Variants in RASSF3 observed in about 807,000 individuals in gnomAD.
RASSF3 encodes the protein ras association domain-containing protein 3.
Under a neutral mutation model 19.9 loss-of-function variants are expected in RASSF3, and 19 were observed. That is an observed-to-expected ratio of 0.96 (90% CI 0.67 to 1.40). The LOEUF is 1.40. RASSF3 is among the 40% of genes most tolerant of loss of function. The pLI, the probability that RASSF3 is intolerant of heterozygous loss-of-function variation, is 0.00. For missense variants in RASSF3, 306 were observed against 289.8 expected (o/e 1.06, Z -0.41); for synonymous variants, 110 against 104.2 (o/e 1.06, Z -0.34).
intron 2 of RASSF3, among the ~76,000 whole-genome samples, chr12:64,596,291 T>C (rs1037473327): frequency 1.3e-5 from 2 of 152,270 alleles, no homozygotes; most frequent in Non-Finnish European, 2.9e-5. Context: ...TTTTCTTCAG[T>C]TAATCTACCT....
At chr12:64,519,844 A>G (rs556002313) in intron 1 of RASSF3, among the ~76,000 whole-genome samples, 2 of 152,074 alleles carry the variant, frequency 1.3e-5, no homozygotes, top group African/African-American at 2.4e-5. Context: ...ATGTGTATGT[A>G]TTTATATATA....
chr12:64,572,593 A>G (rs914188679), intron 2 of RASSF3, among the ~76,000 whole-genome samples: 1 of 152,200 alleles, frequency 6.6e-6, no homozygotes, highest in African/African-American at 2.4e-5. Context: ...TCTGTTCTGC[A>G]CATCACTGAA....
chr12:64,541,826 G>T, downstream of RASSF3: 1 of 395,096 alleles, frequency 2.5e-6, no homozygotes, highest in Non-Finnish European at 4.5e-6. Flanking sequence ...TCGAGCTCAG[G>T]TTCATTCATT....
intron 1 of RASSF3, among the ~76,000 whole-genome samples, chr12:64,520,407 C>T (rs61933214): frequency 0.29 from 44,480 of 151,314 alleles, 7,234 homozygotes; most frequent in Middle Eastern, 0.4. Context: ...ATGATCCGCC[C>T]GCCTCGGCCT....
At chr12:64,565,873 A>G (rs1255570181) in intron 2 of RASSF3, among the ~76,000 whole-genome samples, 2 of 139,472 alleles carry the variant, frequency 1.4e-5, no homozygotes, top group East Asian at 2.1e-4. Flanking sequence ...ACCGAGCGAG[A>G]CTTCGTCTCA....
At chr12:64,640,020 C>A (rs1871459865) in intron 1 of RASSF3, among the ~76,000 whole-genome samples, 1 of 152,218 alleles carries the variant, frequency 6.6e-6, no homozygotes, top group Non-Finnish European at 1.5e-5. Flanking sequence ...AGGTAGATAA[C>A]TGACCTGTTT....
chr12:64,683,635 T>C (rs573986793), intron 1 of RASSF3, among the ~76,000 whole-genome samples: 1 of 152,198 alleles, frequency 6.6e-6, no homozygotes. Flanking sequence ...TTAATACTGA[T>C]TAACTGCTGT....
chr12:64,508,615 C>T (rs1046348985), intron 1 of RASSF3, among the ~76,000 whole-genome samples: 18 of 149,728 alleles, frequency 1.2e-4, no homozygotes, highest in Middle Eastern at 3.8e-3. Context: ...CCGGGCGCGG[C>T]GGCTCATGCC....
intron 1 of RASSF3, among the ~76,000 whole-genome samples, chr12:64,662,899 T>C (rs980411990): frequency 6.6e-6 from 1 of 152,040 alleles, no homozygotes; most frequent in African/African-American, 2.4e-5. Flanking sequence ...GGGGAAATAG[T>C]GTGTGTGTTT....
chr12:64,556,555 C>A lies in RASSF3; in HGVS notation c.294+14850C>A, dbSNP rs552509048. ...CTACATGAGTACCTTCTCCTTGCTC[C>A]GTCAGGCTGGGGGCAGCCTGTAGGA... On this transcript the variant is annotated intron_variant, in intron 2 of 5. Coordinates refer to the RASSF3 transcript ENST00000637125. Among the ~76,000 whole-genome samples, 3 of 152,188 alleles carry A rather than the reference C, an allele frequency of 2.0e-5. No individual in the cohort carries two copies. In the East Asian group the frequency reaches 5.8e-4, roughly 29 times the overall value.
intron 1 of RASSF3, among the ~76,000 whole-genome samples, chr12:64,642,183 T>C (rs1871559491): frequency 6.6e-6 from 1 of 152,200 alleles, no homozygotes; most frequent in African/African-American, 2.4e-5. Context: ...TTGTTTGCTT[T>C]ATCTTCTGGC....
chr12:64,690,363 G>C (rs1236613430), intron 3 of RASSF3, among the ~76,000 whole-genome samples: 1 of 151,662 alleles, frequency 6.6e-6, no homozygotes. Flanking sequence ...TGTATTTTTA[G>C]TAGAGACAGA....
At chr12:64,679,613 T>G (rs956487007) in intron 1 of RASSF3, among the ~76,000 whole-genome samples, 1 of 151,900 alleles carries the variant, frequency 6.6e-6, no homozygotes. Context: ...TGAGGTTGGG[T>G]GTGTCCCATC....
At chr12:64,659,146 C>T (rs968205539) in intron 1 of RASSF3, among the ~76,000 whole-genome samples, 1 of 152,178 alleles carries the variant, frequency 6.6e-6, no homozygotes, top group African/African-American at 2.4e-5. Context: ...CATACACATT[C>T]CATGGTCCTG....
chr12:64,688,343 G>A lies in RASSF3; in HGVS notation c.347G>A (p.Ser116Asn). ...GGCTGTATGAATACACTTCATATCA[G>A]CAGCACAAACACTGTCGGGGAAGTG... ...SNGCMNTLHI[S>N]STNTVGEVIE... The change falls in exon 3 of 5, where the codon AGC becomes AAC. Residue 116 changes from serine to asparagine, a missense_variant. Transcript: ENST00000542104. 6.2e-7 allele frequency: 1 copy of A among 1,614,198 alleles called. No individual in the cohort carries two copies. The highest frequency in any genetic ancestry group is 8.5e-7 in the Non-Finnish European group (1 of 1,180,022).
At chr12:64,645,462 C>T (rs1043773131) in intron 1 of RASSF3, among the ~76,000 whole-genome samples, 5 of 152,034 alleles carry the variant, frequency 3.3e-5, no homozygotes, top group South Asian at 4.2e-4. Flanking sequence ...GGTTTGAAGC[C>T]ATGAGTTTGA....
intron 2 of RASSF3, among the ~76,000 whole-genome samples, chr12:64,584,404 C>T (rs902074192): frequency 3.3e-5 from 5 of 151,088 alleles, no homozygotes; most frequent in African/African-American, 1.2e-4. Context: ...TGGAGATCTC[C>T]TATCACCCTT....
intron 4 of RASSF3, among the ~76,000 whole-genome samples, chr12:64,692,037 C>T (rs78951083): frequency 0.018 from 2,726 of 152,262 alleles, 81 homozygotes; most frequent in African/African-American, 0.063. Flanking sequence ...ATTTAGCTTT[C>T]TAGCATCTTT....
intron 1 of RASSF3, among the ~76,000 whole-genome samples, chr12:64,669,151 A>C (rs921930703): frequency 6.6e-6 from 1 of 152,162 alleles, no homozygotes; most frequent in Non-Finnish European, 1.5e-5. Context: ...TTCCATTCTA[A>C]ACATTCTCAT....
Sources: gnomAD v4.1 joint callset for allele counts (sites outside exome capture counted in the v4.1 genomes callset) on GRCh38, gnomAD v4.1.1 for gene constraint, MANE v1.5 for transcripts, NCBI Gene and HGNC (gene_info 2026-07-23, HGNC 2026-07-21) for gene names.